CTNNBIP1: variants seen among roughly 807,000 people sequenced by gnomAD.
CTNNBIP1 encodes beta-catenin-interacting protein 1.
Under a neutral mutation model 11.8 loss-of-function variants are expected in CTNNBIP1, and 7 were observed. The observed-to-expected ratio is 0.60, with a 90% CI of 0.34 to 1.12. The LOEUF is 1.12. Among genes scored for constraint, CTNNBIP1 ranks in the 50% most tolerant of loss-of-function variants. CTNNBIP1 has a pLI of 0.03. For missense variants in CTNNBIP1, 101 were observed against 113.4 expected, an observed-to-expected ratio of 0.89 and a Z score of 0.50; for synonymous variants, 58 against 43.9, an observed-to-expected ratio of 1.32 and a Z score of -1.26.
intron 1 of CTNNBIP1, among the ~76,000 whole-genome samples, chr1:9,888,455 G>A (rs138975176): frequency 1.3e-5 from 2 of 151,932 alleles, no homozygotes; most frequent in Non-Finnish European, 2.9e-5. Context: ...GTGAGGCTGA[G>A]GCAGGAGAAT....
intron 1 of CTNNBIP1, among the ~76,000 whole-genome samples, chr1:9,902,852 G>T (rs1402466087): frequency 6.6e-6 from 1 of 151,448 alleles, no homozygotes; most frequent in South Asian, 2.1e-4. Flanking sequence ...TGCAACCTCC[G>T]CCTCCAGCGT....
intron 1 of CTNNBIP1, among the ~76,000 whole-genome samples, chr1:9,896,304 C>A (rs1027935091): frequency 6.6e-6 from 1 of 152,180 alleles, no homozygotes; most frequent in Admixed American, 6.5e-5. Context: ...GGCTTTGATA[C>A]CTTGGATATG....
chr1:9,907,319 C>G (rs995632850), intron 1 of CTNNBIP1, among the ~76,000 whole-genome samples: 3 of 152,178 alleles, frequency 2.0e-5, no homozygotes, highest in African/African-American at 7.2e-5. Flanking sequence ...TACAGGCACT[C>G]GCCATCATGC....
rs1332888452 is a variant in CTNNBIP1, at chr1:9,849,941, G to C, written c.*777C>G. On this transcript the variant is annotated 3_prime_UTR_variant, in exon 6 of 6. Transcript: ENST00000377263. ...TGCTCAGGGTTCTCGGGGTCCCCTTGCTGGTGGAGGCAGGTGCACTCATTA... is the reference window on the plus strand; with the variant it reads ...TGCTCAGGGTTCTCGGGGTCCCCTTCCTGGTGGAGGCAGGTGCACTCATTA... The C allele has an allele frequency of 1.3e-5, 2 of 152,344 alleles. No individual in the cohort carries two copies. The highest frequency in any genetic ancestry group is 4.8e-5 in the African/African-American group (2 of 41,418). 9.4% of individuals were successfully genotyped at this position (152,344 alleles called of 1,614,324 possible).
chr1:9,903,045 G>A (rs1009795230), intron 1 of CTNNBIP1, among the ~76,000 whole-genome samples: 2 of 152,222 alleles, frequency 1.3e-5, no homozygotes, highest in African/African-American at 2.4e-5. Flanking sequence ...GATTACAGGC[G>A]TGAGCCACCA....
intron 5 of CTNNBIP1, among the ~76,000 whole-genome samples, chr1:9,869,344 G>A (rs1016515973): frequency 2.0e-5 from 3 of 151,738 alleles, no homozygotes; most frequent in Non-Finnish European, 1.5e-5. Flanking sequence ...TGTCTTGTGT[G>A]TATGTGTGTT....
At position 9,883,838 on chromosome 1, in the gene CTNNBIP1, T is replaced by C. The variant is rs1639131331; in HGVS notation, c.-143-100A>G. ...AGAGCTGTGCTCAGCCTCAGGTGAG[T>C]CTTAACCTCGGCTTTGCCTCCTCCA... On this transcript the variant is annotated intron_variant, in intron 1 of 5. Coordinates refer to ENST00000377263, the MANE Select transcript of CTNNBIP1 (RefSeq NM_020248.3). This position sits in a 1 kb window ranked among gnomAD's most constrained non-coding sequence, Gnocchi z 5.6. The C allele has an allele frequency of 2.0e-5, 3 of 153,036 alleles. No homozygotes were observed. In the Admixed American group the frequency reaches 2.0e-4, roughly 10 times the overall value. The allele number at this position is 153,036 out of a possible 1,614,324, so 9.5% of individuals were successfully genotyped here.
intron 1 of CTNNBIP1, among the ~76,000 whole-genome samples, chr1:9,899,148 T>C (rs1003259234): frequency 1.3e-5 from 2 of 152,100 alleles, no homozygotes; most frequent in African/African-American, 2.4e-5. Flanking sequence ...AGATGGTTCA[T>C]AAGCGGCCTT....
At chr1:9,882,878 A>C (rs1212273803) in intron 2 of CTNNBIP1, among the ~76,000 whole-genome samples, 1 of 152,234 alleles carries the variant, frequency 6.6e-6, no homozygotes, top group Non-Finnish European at 1.5e-5. Flanking sequence ...TCAAGTCAGC[A>C]CTACGGTGAA....
In CTNNBIP1 at chr1:9,888,269, T is replaced by TA. The variant is rs199870618; in HGVS notation, c.-143-4532dup. On this transcript the variant is annotated intron_variant, in intron 1 of 5. Transcript: ENST00000377263. Reference sequence around the variant, plus strand: ...GGTGAAACCCCATCTCTACAAAAAATAAAAAAAAAAATTTAAAAGCTGGGC... The same window carrying TA: ...GGTGAAACCCCATCTCTACAAAAAATAAAAAAAAAAAATTTAAAAGCTGGGC... Among the ~76,000 whole-genome samples the TA allele has an allele frequency of 1.6e-3, 227 of 144,350 alleles. 1 individual carries two copies. The highest frequency in any genetic ancestry group is 5.0e-3 in the African/African-American group (196 of 39,574). 94.7% of individuals were successfully genotyped at this position (144,350 alleles called of 152,430 possible).
intron 5 of CTNNBIP1, among the ~76,000 whole-genome samples, chr1:9,861,878 C>G (rs1638635564): frequency 6.6e-6 from 1 of 152,218 alleles, no homozygotes; most frequent in Admixed American, 6.5e-5. Flanking sequence ...CTCATCTGTA[C>G]AACGTGATGA....
intron 1 of CTNNBIP1, among the ~76,000 whole-genome samples, chr1:9,896,481 C>T (rs889078091): frequency 1.3e-5 from 2 of 152,070 alleles, no homozygotes; most frequent in Non-Finnish European, 2.9e-5. Context: ...GGCAGATCAC[C>T]TGAGGTCAGG....
intron 1 of CTNNBIP1, among the ~76,000 whole-genome samples, chr1:9,884,695 G>A (rs555752313): frequency 2.0e-5 from 3 of 152,294 alleles, no homozygotes; most frequent in African/African-American, 7.2e-5. Context: ...TAGAGAGAGG[G>A]GAGGGCAGAC....
At chr1:9,909,261 A>G (rs910683214) in intron 1 of CTNNBIP1, among the ~76,000 whole-genome samples, 2 of 152,218 alleles carry the variant, frequency 1.3e-5, no homozygotes, top group African/African-American at 4.8e-5. Flanking sequence ...AGGAGACAAA[A>G]TAATTCACAG....
intron 3 of CTNNBIP1, among the ~76,000 whole-genome samples, chr1:9,874,168 C>T (rs921285339): frequency 2.6e-5 from 4 of 152,138 alleles, no homozygotes; most frequent in Admixed American, 6.5e-5. Context: ...CTAGAACATG[C>T]GGAGAAGCTC....
At chr1:9,896,067 G>T (rs867015128) in intron 1 of CTNNBIP1, among the ~76,000 whole-genome samples, 3 of 152,152 alleles carry the variant, frequency 2.0e-5, no homozygotes, top group Non-Finnish European at 2.9e-5. Context: ...AGTTGTATTT[G>T]GTTCCCATGC....
chr1:9,909,897 G>A (rs1438741003), intron 1 of CTNNBIP1, among the ~76,000 whole-genome samples, 198 bp downstream of exon 1: 1 of 152,054 alleles, frequency 6.6e-6, no homozygotes, highest in Non-Finnish European at 1.5e-5. Flanking sequence ...TCAGGGAGGC[G>A]GGAGGTGGTC....
rs575220930 is a variant in CTNNBIP1 at position 9,864,549 on chromosome 1, C to G, written c.187+6638G>C. ...TTCACCATGTTAGCCAGGATGGTCTCAATCTCCTGACCTCGTGATCCGCCC... is the reference window on the plus strand; with the variant it reads ...TTCACCATGTTAGCCAGGATGGTCTGAATCTCCTGACCTCGTGATCCGCCC... On this transcript the variant is annotated intron_variant, in intron 5 of 5. Transcript: ENST00000377263. Among the ~76,000 whole-genome samples the G allele has an allele frequency of 7.1e-4, 108 of 152,276 alleles. No homozygotes were observed. The South Asian group carries it at 0.012, about 17-fold the overall frequency.
intron 1 of CTNNBIP1, among the ~76,000 whole-genome samples, chr1:9,905,899 A>AC: frequency 6.6e-6 from 1 of 152,320 alleles, no homozygotes; most frequent in East Asian, 1.9e-4. Context: ...ATTCAATTCA[A>AC]CAAATATTTT....
Sources: allele counts gnomAD v4.1 joint callset (sites outside exome capture counted in the v4.1 genomes callset), GRCh38; gene constraint gnomAD v4.1.1; non-coding constraint Gnocchi (gnomAD v3.1); transcripts MANE v1.5; gene names NCBI Gene and HGNC (gene_info 2026-07-23, HGNC 2026-07-21).